WFDC11: variants seen among roughly 807,000 people sequenced by gnomAD.
The protein encoded by WFDC11 is protein WFDC11.
Under a neutral mutation model 9.9 loss-of-function variants are expected in WFDC11, and 9 were observed. The observed-to-expected ratio is 0.91, with a 90% CI of 0.55 to 1.58. The LOEUF (loss-of-function observed/expected upper bound fraction) is 1.58. Ranked by LOEUF, WFDC11 falls within the 40% of genes most tolerant of loss-of-function variation. The pLI is 0.00. For missense variants in WFDC11, 106 were observed against 101.7 expected, an observed-to-expected ratio of 1.04 and a Z score of -0.18; for synonymous variants, 32 against 33.3, an observed-to-expected ratio of 0.96 and a Z score of 0.13.
rs1481612921 is a variant in WFDC11, at chr20:45,651,162, C to G, written c.-51-511G>C. Among the ~76,000 whole-genome samples, 3 of 152,168 alleles carry G rather than the reference C, an allele frequency of 2.0e-5. No homozygotes were observed. The South Asian group carries it at 6.2e-4, about 31-fold the overall frequency. On this transcript the variant is annotated intron_variant, in intron 2 of 4. Transcript: ENST00000324384. ...GCTCCCACTTATAAGTGAGAACATG[C>G]AGTATTTGGTTTGAACAAAATTCTT...
At chr20:45,648,892 G>T (rs1362712785) in intron 4 of WFDC11, among the ~76,000 whole-genome samples, 153 bp from the exon 5 acceptor site, 1 of 152,178 alleles carries the variant, frequency 6.6e-6, no homozygotes, top group African/African-American at 2.4e-5. Context: ...AGTAGGTGAG[G>T]TATTGGACAA....
chr20:45,666,818 A>C (rs556352558), intron 2 of WFDC11, among the ~76,000 whole-genome samples: 1 of 152,364 alleles, frequency 6.6e-6, no homozygotes, highest in African/African-American at 2.4e-5. Context: ...GATTAGATAT[A>C]AGTTATGTAT....
chr20:45,662,148 G>T (rs1983082995), intron 2 of WFDC11, among the ~76,000 whole-genome samples: 1 of 152,094 alleles, frequency 6.6e-6, no homozygotes, highest in East Asian at 1.9e-4. Context: ...CTTGTAAGTT[G>T]GATACCTAGG....
intron 2 of WFDC11, among the ~76,000 whole-genome samples, chr20:45,662,460 G>A (rs6065857): frequency 0.22 from 32,704 of 151,702 alleles, 4,080 homozygotes; most frequent in East Asian, 0.36. Flanking sequence ...ACTATGTTGA[G>A]TAGGAGTGGT....
chr20:45,656,724 TCAAA>T (rs1568662315), intron 2 of WFDC11, among the ~76,000 whole-genome samples: 1 of 151,952 alleles, frequency 6.6e-6, no homozygotes, highest in East Asian at 1.9e-4. Context: ...TACAAAGAAC[TCAAA>T]CAAATTTACA....
chr20:45,658,858 C>T (rs1168427122), intron 2 of WFDC11, among the ~76,000 whole-genome samples: 5 of 152,076 alleles, frequency 3.3e-5, no homozygotes, highest in Admixed American at 3.3e-4. Flanking sequence ...TCTCCTAATG[C>T]TATCCCTCCC....
At chr20:45,656,660 C>T (rs13044107) in intron 2 of WFDC11, among the ~76,000 whole-genome samples, 28,153 of 149,458 alleles carry the variant, frequency 0.19, 2,970 homozygotes, top group East Asian at 0.31. Context: ...ACCTACAGAA[C>T]GGGAGAAAAT....
chr20:45,651,578 C>T (rs1040237998), intron 2 of WFDC11, among the ~76,000 whole-genome samples: 20 of 152,178 alleles, frequency 1.3e-4, no homozygotes, highest in Admixed American at 1.1e-3. Context: ...GGGTTCATCT[C>T]ACTGGGGAGT....
intron 2 of WFDC11, among the ~76,000 whole-genome samples, chr20:45,661,400 G>A (rs1463686470): frequency 2.0e-5 from 3 of 150,978 alleles, no homozygotes; most frequent in South Asian, 2.1e-4. Context: ...TTCTTTTGCT[G>A]TGCAGAAGCT....
At chr20:45,660,511 C>T (rs1244234038) in intron 2 of WFDC11, among the ~76,000 whole-genome samples, 1 of 152,090 alleles carries the variant, frequency 6.6e-6, no homozygotes. Flanking sequence ...GTGTGCTTCA[C>T]CCATTCACTC....
intron 2 of WFDC11, among the ~76,000 whole-genome samples, chr20:45,655,875 A>C (rs1417820481): frequency 6.6e-6 from 1 of 152,228 alleles, no homozygotes; most frequent in Admixed American, 6.5e-5. Context: ...CCAACTTACA[A>C]TGGACATGAA....
Position 45,648,609 on chromosome 20 carries a change from C to G in WFDC11, c.*110G>C. 8.4e-7 allele frequency: 1 copy of G among 1,196,178 alleles called. No individual in the cohort carries two copies. Among genetic ancestry groups the G allele is most frequent in the South Asian group, 1.3e-5 (1 of 75,328 alleles). 74.1% of individuals were successfully genotyped at this position (1,196,178 alleles called of 1,614,324 possible). ...GTCAAGTGTTTGCTGTTGTCCAGCT[C>G]TCAGTAAAAATAGACTGGTGTTCCT... On this transcript the variant is annotated 3_prime_UTR_variant, in exon 5 of 5. Coordinates refer to ENST00000324384, the MANE Select transcript of WFDC11 (RefSeq NM_147197.2).
At chr20:45,658,643 C>T (rs957487942) in intron 2 of WFDC11, among the ~76,000 whole-genome samples, 33 of 152,084 alleles carry the variant, frequency 2.2e-4, no homozygotes, top group African/African-American at 7.9e-4. Context: ...TTTATCTTTT[C>T]AAAGAACCAG....
intron 2 of WFDC11, among the ~76,000 whole-genome samples, chr20:45,658,162 A>T (rs1160771764): frequency 6.6e-6 from 1 of 152,160 alleles, no homozygotes. Flanking sequence ...GGCCATAAAC[A>T]TATCCATCAC....
intron 2 of WFDC11, among the ~76,000 whole-genome samples, chr20:45,663,020 G>A (rs1050396946): frequency 1.3e-5 from 2 of 152,258 alleles, no homozygotes; most frequent in African/African-American, 4.8e-5. Flanking sequence ...TGTACCTCTG[G>A]TAGAATTCGG....
chr20:45,660,034 G>A (rs1322959927), intron 2 of WFDC11, among the ~76,000 whole-genome samples: 2 of 152,062 alleles, frequency 1.3e-5, no homozygotes, highest in African/African-American at 4.8e-5. Context: ...GATGTGTGGT[G>A]TTATTTCTAA....
chr20:45,649,081 T>C (rs149065767), intron 4 of WFDC11, among the ~76,000 whole-genome samples, 176 bp downstream of exon 4: 325 of 152,284 alleles, frequency 2.1e-3, no homozygotes, highest in Non-Finnish European at 3.5e-3. Context: ...GGGTCTAAGC[T>C]GGTGTCTTGA....
chr20:45,661,286 TG>T (rs1263705019), intron 2 of WFDC11, among the ~76,000 whole-genome samples: 3 of 152,186 alleles, frequency 2.0e-5, no homozygotes, highest in African/African-American at 4.8e-5. Flanking sequence ...CTTGTAAATT[TG>T]TTTGAGTTCT....
chr20:45,654,853 A>G (rs1476150040), intron 2 of WFDC11, among the ~76,000 whole-genome samples: 1 of 152,372 alleles, frequency 6.6e-6, no homozygotes, highest in African/African-American at 2.4e-5. Flanking sequence ...AAATTCCTTG[A>G]CACCTACACC....
Sources: gnomAD v4.1 joint callset for allele counts (sites outside exome capture counted in the v4.1 genomes callset) on GRCh38, gnomAD v4.1.1 for gene constraint, MANE v1.5 for transcripts, NCBI Gene and HGNC (gene_info 2026-07-23, HGNC 2026-07-21) for gene names.